The following CEP170B variants were observed in gnomAD, a reference collection of about 807,000 sequenced individuals.
The protein encoded by CEP170B is centrosomal protein of 170 kDa protein B.
A neutral mutation model predicts 120.6 loss-of-function variants in CEP170B; 55 were observed. That is an observed-to-expected ratio of 0.46 (90% CI 0.37 to 0.57). The LOEUF (loss-of-function observed/expected upper bound fraction) is 0.57, where lower values mean the gene tolerates loss of function less well. Ranked by LOEUF, CEP170B falls within the 20% of genes least tolerant of loss-of-function variation. The pLI is 0.00. For missense variants in CEP170B, 2,212 were observed against 2,253.3 expected (o/e 0.98, Z 0.37); for synonymous variants, 1,033 against 954.5 (o/e 1.08, Z -1.52).
chr14:104,878,137 A>C (rs1027990694), intron 4 of CEP170B, among the ~76,000 whole-genome samples, 174 bp downstream of exon 4: 1 of 151,638 alleles, frequency 6.6e-6, no homozygotes, highest in East Asian at 1.9e-4. Context: ...AAGGAATGCC[A>C]GTCCCTGCAG....
At chr14:104,892,657 G>A (rs1315083916) in intron 13 of CEP170B, among the ~76,000 whole-genome samples, 2 of 152,274 alleles carry the variant, frequency 1.3e-5, no homozygotes, top group Admixed American at 6.5e-5. Context: ...CTGGCCCTGG[G>A]GGGCCGGAGA....
rs370815644 is a variant in CEP170B at position 104,883,083 on chromosome 14, G to A, written c.626G>A (p.Arg209His). Residue 209 changes from arginine (R) to histidine (H), a missense_variant, in exon 8 of 19, where the codon CGC becomes CAC. Arg to His is a conservative substitution (Grantham distance 29). Transcript: ENST00000414716. ...CAGGACGGGGAGCTCCACGGCTTCC[G>A]CGCCCCTGCTGAGCCTCAGGGCTGC... ...VQQDGELHGFRAPAEPQGCSF... is the reference protein window; with the variant it reads ...VQQDGELHGFHAPAEPQGCSF... 107 of 1,565,910 alleles carry A rather than the reference G, an allele frequency of 6.8e-5. No homozygotes were observed. The highest frequency in any genetic ancestry group is 1.7e-4 in the Middle Eastern group (1 of 6,002).
At chr14:104,886,006 G>A (rs941524017) in intron 10 of CEP170B, 34 bp from the exon 11 acceptor site, 4 of 1,500,978 alleles carry the variant, frequency 2.7e-6, no homozygotes, top group African/African-American at 2.8e-5. Context: ...CGTTGGGCTT[G>A]CGTGTGGAAA....
chr14:104,868,377 A>G lies in CEP170B; in HGVS notation c.-27-47A>G. On this transcript the variant is annotated intron_variant, in intron 1 of 18. Coordinates refer to ENST00000414716, the MANE Select transcript of CEP170B (RefSeq NM_001112726.3). The surrounding 1 kb of genome is among the most constrained non-coding windows in gnomAD (Gnocchi z 5.9). ...GGGCCTTGGATGTGTCCAGGGGGCTAAGAACCAGGCCAGGGAGCCCCACTC... is the reference window on the plus strand; with the variant it reads ...GGGCCTTGGATGTGTCCAGGGGGCTGAGAACCAGGCCAGGGAGCCCCACTC... The G allele has an allele frequency of 1.5e-6, 2 of 1,367,768 alleles. No homozygotes were observed. The highest frequency in any genetic ancestry group is 1.4e-5 in the African/African-American group (1 of 69,670). The allele number at this position is 1,367,768 out of a possible 1,614,324, so 84.7% of individuals were successfully genotyped here.
In CEP170B at chr14:104,883,461, G is replaced by A. The variant is rs1401981628; in HGVS notation, c.1004G>A (p.Arg335His). ...LLHRVGPGDD[R>H]HSTKSDLPVH... is the part of the protein sequence containing the mutation. Reference sequence around the variant, plus strand: ...CACCGGGTTGGCCCTGGGGATGACCGCCACAGCACCAAGAGCGACCTGCCT... The same window carrying A: ...CACCGGGTTGGCCCTGGGGATGACCACCACAGCACCAAGAGCGACCTGCCT... The change falls in exon 8 of 19, where the codon CGC (arginine) becomes CAC (histidine). Residue 335 changes from arginine (R) to histidine (H), a missense_variant. Physicochemically the swap from Arg to His is conservative, Grantham distance 29. This residue lies in a region of CEP170B where 2,166 missense variants were observed against 2,166.7 expected (regional missense o/e 1.00). Transcript: ENST00000414716. The A allele has an allele frequency of 1.7e-5, 27 of 1,559,810 alleles. No individual in the cohort carries two copies. Among genetic ancestry groups the A allele is most frequent in the East Asian group, 4.8e-5 (2 of 41,360 alleles).
Position 104,883,477 on chromosome 14 carries a change from C to T in CEP170B, c.1020C>T (p.Ser340=), listed in dbSNP as rs745569602. 22 of 1,553,614 alleles carry T rather than the reference C, an allele frequency of 1.4e-5. No homozygotes were observed. The highest frequency in any genetic ancestry group is 1.7e-4 in the Middle Eastern group (1 of 5,908). ...GGGATGACCGCCACAGCACCAAGAG[C>T]GACCTGCCTGTCCACACCCGCACCC... is the stretch of plus-strand genomic sequence containing the variant. ...GPGDDRHSTK[S]DLPVHTRTLK... The change falls in exon 8 of 19, where the codon AGC becomes AGT. Residue 340 remains serine (S), a synonymous_variant. Transcript: ENST00000414716.
At chr14:104,885,749 C>T (rs574841230) in intron 10 of CEP170B, among the ~76,000 whole-genome samples, 1 of 152,302 alleles carries the variant, frequency 6.6e-6, no homozygotes, top group South Asian at 2.1e-4. Context: ...CTGGGCAAAA[C>T]GGGCTCTGAG....
rs373720795 is a variant in CEP170B at position 104,891,059 on chromosome 14, G to GTGGA, written c.3878+1322_3878+1325dup. 1.3e-4 allele frequency among the ~76,000 whole-genome samples: 19 copies of GTGGA among 146,514 alleles called. 1 individual carries two copies. The highest frequency in any genetic ancestry group is 2.5e-4 in the African/African-American group (10 of 39,946). On this transcript the variant is annotated intron_variant, in intron 13 of 18. Transcript: ENST00000414716. This position sits in a 1 kb window ranked among gnomAD's most constrained non-coding sequence, Gnocchi z 4.3. ...GATGGATGGATGGATGAGTGGGTGGGTGGATGGATGGATGGATGGATGGAG... is the reference window on the plus strand; with the variant it reads ...GATGGATGGATGGATGAGTGGGTGGGTGGATGGATGGATGGATGGATGGATGGAG...
chr14:104,887,669 C>G lies in CEP170B; in HGVS notation c.3430C>G (p.Arg1144Gly). Reference protein sequence around the residue: ...ASDTEAADGERGSLGNPEPVG... With the variant: ...ASDTEAADGEGGSLGNPEPVG... The stretch of plus-strand genomic sequence containing the variant: ...AGACACTGAGGCTGCGGATGGTGAG[C>G]GGGGGTCCCTGGGCAACCCTGAGCC... The change falls in exon 12 of 19, where the codon CGG becomes GGG. Residue 1144 changes from arginine to glycine, a missense_variant. Transcript: ENST00000414716. 1.9e-6 allele frequency: 3 copies of G among 1,571,220 alleles called. No homozygotes were observed. Among genetic ancestry groups the G allele is most frequent in the Non-Finnish European group, 2.6e-6 (3 of 1,160,940 alleles).
chr14:104,892,818 C>T (rs1490795243), intron 13 of CEP170B, among the ~76,000 whole-genome samples, 158 bp from the exon 14 acceptor site: 1 of 152,244 alleles, frequency 6.6e-6, no homozygotes, highest in Non-Finnish European at 1.5e-5. Context: ...TAACCAGTGG[C>T]TAGGCCGGTG....
chr14:104,892,276 G>T (rs889098610), intron 13 of CEP170B, among the ~76,000 whole-genome samples: 1 of 152,178 alleles, frequency 6.6e-6, no homozygotes, highest in African/African-American at 2.4e-5. Flanking sequence ...TCACGGGCCC[G>T]GCAGGCCCCT....
intron 5 of CEP170B, among the ~76,000 whole-genome samples, chr14:104,878,777 C>T (rs1021508639): frequency 7.3e-5 from 11 of 150,704 alleles, no homozygotes; most frequent in South Asian, 2.1e-4. Flanking sequence ...CAGCAGCATC[C>T]GGGCTCTGGG....
intron 6 of CEP170B, among the ~76,000 whole-genome samples, chr14:104,880,777 G>A (rs1395907789): frequency 6.8e-6 from 1 of 146,272 alleles, no homozygotes; most frequent in African/African-American, 2.6e-5. Flanking sequence ...CATGCCCATA[G>A]CTCTCACTGC....
At chr14:104,882,391 G>A (rs1452412747) in intron 6 of CEP170B, among the ~76,000 whole-genome samples, 1 of 152,062 alleles carries the variant, frequency 6.6e-6, no homozygotes, top group Admixed American at 6.5e-5. Flanking sequence ...CAGGACGGAG[G>A]TGGGGGGCCC....
chr14:104,892,885 C>G, intron 13 of CEP170B, 91 bp from the exon 14 acceptor site: 2 of 1,415,054 alleles, frequency 1.4e-6, no homozygotes, highest in Non-Finnish European at 1.9e-6. Flanking sequence ...CAGCAGCTGC[C>G]TGGGAGCTGG....
At chr14:104,874,265 A>G (rs935034308) in intron 2 of CEP170B, among the ~76,000 whole-genome samples, 2 of 152,036 alleles carry the variant, frequency 1.3e-5, no homozygotes, top group African/African-American at 4.8e-5. Context: ...TCCTCCCCCA[A>G]CCCCTCCGGC....
In CEP170B at chr14:104,884,365, C is replaced by T; in HGVS notation, c.1586C>T (p.Pro529Leu). 1 of 1,546,286 alleles carries T rather than the reference C, an allele frequency of 6.5e-7. No individual in the cohort carries two copies. Among genetic ancestry groups the T allele is most frequent in the South Asian group, 1.2e-5 (1 of 83,836 alleles). Residue 529 changes from proline (P) to leucine (L), a missense_variant, in exon 9 of 19, where the codon CCC becomes CTC. Coordinates refer to ENST00000414716, the MANE Select transcript of CEP170B (RefSeq NM_001112726.3). ...PEKVPPVLPA[P>L]LTPHGTSPVG... Reference sequence around the variant, plus strand: ...AAGGTTCCTCCGGTGCTGCCCGCTCCCCTGACACCCCATGGGACCAGCCCC... The same window carrying T: ...AAGGTTCCTCCGGTGCTGCCCGCTCTCCTGACACCCCATGGGACCAGCCCC...
Position 104,870,005 on chromosome 14 carries a change from GTTCT to G in CEP170B, c.105+1453_105+1456del, listed in dbSNP as rs1282464250. ...TGTGGTTGGTTGTTCCGGCTCTGAAGTTCTTTAATCTGGAACATTCTCTCCCTTT... is the reference window on the plus strand; with the variant it reads ...TGTGGTTGGTTGTTCCGGCTCTGAAGTTAATCTGGAACATTCTCTCCCTTT... On this transcript the variant is annotated intron_variant, in intron 2 of 18. Coordinates refer to ENST00000414716, the MANE Select transcript of CEP170B (RefSeq NM_001112726.3). The surrounding 1 kb of genome is among the most constrained non-coding windows in gnomAD (Gnocchi z 4.1). Among the ~76,000 whole-genome samples the G allele has an allele frequency of 6.6e-6, 1 of 152,252 alleles. No homozygotes were observed. Among genetic ancestry groups the G allele is most frequent in the Non-Finnish European group, 1.5e-5 (1 of 68,048 alleles).
In CEP170B at chr14:104,886,950, A is replaced by G; in HGVS notation, c.2711A>G (p.Asp904Gly). The change falls in exon 12 of 19, where the codon GAC becomes GGC. Residue 904 changes from aspartate to glycine, a missense_variant. This residue lies in a region of CEP170B where 2,166 missense variants were observed against 2,166.7 expected (regional missense o/e 1.00). Coordinates refer to ENST00000414716, the MANE Select transcript of CEP170B (RefSeq NM_001112726.3). Reference protein sequence around the residue: ...DLAATRAARMDFHSQDTHLIL... With the variant: ...DLAATRAARMGFHSQDTHLIL... ...GCCGCTACCCGGGCCGCACGCATGG[A>G]CTTCCACTCCCAGGACACCCACCTG... The G allele has an allele frequency of 6.2e-7, 1 of 1,608,800 alleles. No individual in the cohort carries two copies. Among genetic ancestry groups the G allele is most frequent in the African/African-American group, 1.3e-5 (1 of 75,032 alleles).
Sources: gnomAD v4.1 joint callset for allele counts (sites outside exome capture counted in the v4.1 genomes callset) on GRCh38, gnomAD v4.1.1 for gene constraint, gnomAD v4.1.1 regional missense constraint, Gnocchi (gnomAD v3.1) non-coding constraint, MANE v1.5 for transcripts, NCBI Gene and HGNC (gene_info 2026-07-23, HGNC 2026-07-21) for gene names.